The following DCC variants were observed in gnomAD, a reference collection of about 807,000 sequenced individuals.
DCC encodes the protein netrin receptor DCC.
A neutral mutation model predicts 172.5 loss-of-function variants in DCC; 58 were observed. That is an observed-to-expected ratio of 0.34 (90% CI 0.27 to 0.42). DCC has a LOEUF of 0.42. Ranked by LOEUF, DCC falls within the 10% of genes least tolerant of loss-of-function variation. The pLI, the probability that DCC is intolerant of heterozygous loss-of-function variation, is 1.00. For missense variants in DCC, 1,740 were observed against 1,791.0 expected, an observed-to-expected ratio of 0.97 and a Z score of 0.51; for synonymous variants, 709 against 644.5, an observed-to-expected ratio of 1.10 and a Z score of -1.52.
At chr18:52,734,390 G>GT (rs576247596) in intron 1 of DCC, among the ~76,000 whole-genome samples, 10 of 152,148 alleles carry the variant, frequency 6.6e-5, no homozygotes, top group South Asian at 2.1e-4. Context: ...TATCATACAC[G>GT]TTTTTTTGTT....
intron 5 of DCC, among the ~76,000 whole-genome samples, chr18:53,048,870 G>A (rs922778395): frequency 6.6e-6 from 1 of 151,734 alleles, no homozygotes; most frequent in Non-Finnish European, 1.5e-5. Context: ...TTTAATAATA[G>A]TCATTCTGAT....
At chr18:53,152,813 T>C (rs1319255390) in intron 7 of DCC, among the ~76,000 whole-genome samples, 1 of 152,286 alleles carries the variant, frequency 6.6e-6, no homozygotes, top group East Asian at 1.9e-4. Flanking sequence ...AAGAACAAAA[T>C]TAATTCCCCT....
At chr18:53,250,074 T>TA (rs1382992113) in intron 12 of DCC, among the ~76,000 whole-genome samples, 1 of 151,966 alleles carries the variant, frequency 6.6e-6, no homozygotes, top group Non-Finnish European at 1.5e-5. Flanking sequence ...TAATACATCT[T>TA]AAAAATCAGA....
chr18:52,486,176 T>C (rs2030212733), intron 1 of DCC, among the ~76,000 whole-genome samples: 1 of 152,072 alleles, frequency 6.6e-6, no homozygotes, highest in Non-Finnish European at 1.5e-5. Context: ...ACAGTTTAGA[T>C]CACAGTATTT....
At chr18:52,683,791 A>C (rs1694109142) in intron 1 of DCC, among the ~76,000 whole-genome samples, 1 of 152,102 alleles carries the variant, frequency 6.6e-6, no homozygotes, top group Non-Finnish European at 1.5e-5. Flanking sequence ...CCCTATGCTC[A>C]GTCAAGAAAG....
chr18:53,055,191 C>T lies in DCC; in HGVS notation c.986-8114C>T, dbSNP rs560655659. ...AATAAGACAATCCATGTTCTTAAGG[C>T]GTTAGTAGCTTAGTGAATTCATATC... On this transcript the variant is annotated intron_variant, in intron 5 of 28. Transcript: ENST00000442544. Among the ~76,000 whole-genome samples the T allele has an allele frequency of 9.9e-5, 15 of 152,166 alleles. No individual in the cohort carries two copies. The South Asian group carries it at 2.9e-3, about 29-fold the overall frequency.
chr18:52,527,732 C>G (rs1050313987), intron 1 of DCC, among the ~76,000 whole-genome samples: 3 of 152,102 alleles, frequency 2.0e-5, no homozygotes, highest in Non-Finnish European at 4.4e-5. Context: ...ATTACAAATT[C>G]AAGTTGTCCT....
chr18:53,211,971 C>A (rs1170367706), intron 11 of DCC, among the ~76,000 whole-genome samples: 1 of 152,104 alleles, frequency 6.6e-6, no homozygotes, highest in Non-Finnish European at 1.5e-5. Flanking sequence ...TCACTTGTAC[C>A]TGGGAGGCGG....
At chr18:53,035,777 T>C (rs376146186) in intron 5 of DCC, among the ~76,000 whole-genome samples, 4 of 152,058 alleles carry the variant, frequency 2.6e-5, no homozygotes, top group African/African-American at 9.7e-5. Flanking sequence ...TATTAATCTA[T>C]AATTAGTTTA....
chr18:52,567,757 C>G (rs569935789), intron 1 of DCC, among the ~76,000 whole-genome samples: 1 of 152,086 alleles, frequency 6.6e-6, no homozygotes, highest in Admixed American at 6.6e-5. Flanking sequence ...GACTTTACTA[C>G]TAAGCAGTAT....
intron 27 of DCC, among the ~76,000 whole-genome samples, chr18:53,501,872 A>T (rs1439572461): frequency 8.6e-6 from 1 of 116,806 alleles, no homozygotes; most frequent in African/African-American, 2.9e-5. Flanking sequence ...GAGAATTGGC[A>T]TTTTTTTACT....
intron 7 of DCC, among the ~76,000 whole-genome samples, chr18:53,096,245 A>G (rs1162403001): frequency 6.6e-6 from 1 of 152,168 alleles, no homozygotes; most frequent in Non-Finnish European, 1.5e-5. Context: ...AGTCTGAGGC[A>G]GGAAGATCGC....
chr18:52,924,653 G>A (rs1327633182), intron 4 of DCC, among the ~76,000 whole-genome samples: 1 of 151,862 alleles, frequency 6.6e-6, no homozygotes, highest in African/African-American at 2.4e-5. Flanking sequence ...TTATAGAGAA[G>A]GTAAGTCCAT....
intron 7 of DCC, among the ~76,000 whole-genome samples, chr18:53,136,576 G>C (rs2043746431): frequency 6.6e-6 from 1 of 152,116 alleles, no homozygotes; most frequent in Admixed American, 6.6e-5. Flanking sequence ...TGAATATATA[G>C]TAACAGAAAG....
chr18:52,458,338 A>C (rs2144531710), intron 1 of DCC, among the ~76,000 whole-genome samples: 1 of 152,236 alleles, frequency 6.6e-6, no homozygotes, highest in Non-Finnish European at 1.5e-5. Context: ...TCTTTCACAT[A>C]CATTATTTCA....
intron 1 of DCC, among the ~76,000 whole-genome samples, chr18:52,568,181 C>T (rs1051696993): frequency 1.3e-5 from 2 of 152,058 alleles, no homozygotes; most frequent in African/African-American, 2.4e-5. Context: ...GAAAACTACA[C>T]TTATCTTATG....
chr18:53,526,070 A>C (rs1215584160), intron 27 of DCC, among the ~76,000 whole-genome samples: 1 of 151,858 alleles, frequency 6.6e-6, no homozygotes, highest in Non-Finnish European at 1.5e-5. Flanking sequence ...AAAGCCATAC[A>C]AAAAAAACCA....
chr18:52,925,479 G>T (rs1336101524), intron 5 of DCC, 109 bp downstream of exon 5: 2 of 1,171,720 alleles, frequency 1.7e-6, no homozygotes, highest in East Asian at 2.4e-5. Context: ...GTGTGAAATT[G>T]CAAAGTCCCA....
intron 2 of DCC, among the ~76,000 whole-genome samples, chr18:52,800,931 G>A (rs111481065): frequency 0.044 from 6,725 of 152,228 alleles, 225 homozygotes; most frequent in South Asian, 0.16. Context: ...ATAAGCTGGC[G>A]TATTGGCAGG....
Sources: gnomAD v4.1 joint callset for allele counts (sites outside exome capture counted in the v4.1 genomes callset) on GRCh38, gnomAD v4.1.1 for gene constraint, MANE v1.5 for transcripts, NCBI Gene and HGNC (gene_info 2026-07-23, HGNC 2026-07-21) for gene names.